RTN3: variants seen among roughly 807,000 people sequenced by gnomAD.
The protein encoded by RTN3 is reticulon-3.
Under a neutral mutation model 77.8 loss-of-function variants are expected in RTN3, and 49 were observed. The ratio of observed to expected loss-of-function variants is 0.63; its 90% CI spans 0.50 to 0.80. RTN3 has a LOEUF of 0.80. Ranked by LOEUF, RTN3 falls within the 30% of genes least tolerant of loss-of-function variation. The pLI is 0.00. For missense variants in RTN3, 1,236 were observed against 1,211.9 expected (o/e 1.02, Z -0.29); for synonymous variants, 464 against 446.9 (o/e 1.04, Z -0.48).
intron 2 of RTN3, among the ~76,000 whole-genome samples, chr11:63,713,394 C>T (rs544101793): frequency 4.6e-5 from 7 of 152,240 alleles, no homozygotes; most frequent in East Asian, 1.9e-4. Flanking sequence ...ACTGCAGCCT[C>T]GACCTCCTGG....
chr11:63,721,068 T>C (rs551022679), intron 3 of RTN3, 36 bp downstream of exon 3: 3 of 1,516,686 alleles, frequency 2.0e-6, no homozygotes, highest in Non-Finnish European at 2.7e-6. Flanking sequence ...ATGTGGTTAA[T>C]TCTGTGATTG....
chr11:63,699,296 A>T (rs1392937944), intron 1 of RTN3, among the ~76,000 whole-genome samples: 2 of 145,346 alleles, frequency 1.4e-5, no homozygotes, highest in East Asian at 4.1e-4. Context: ...CAGAGCTGAG[A>T]CTCCTTCTCA....
chr11:63,699,097 G>A (rs1014249394), intron 1 of RTN3, among the ~76,000 whole-genome samples: 1 of 152,104 alleles, frequency 6.6e-6, no homozygotes, highest in Non-Finnish European at 1.5e-5. Context: ...AGACCAGCCT[G>A]CCAGCATGGT....
intron 1 of RTN3, chr11:63,698,669 C>A: frequency 5.6e-6 from 1 of 178,034 alleles, no homozygotes; most frequent in South Asian, 1.5e-4. Context: ...ACTGAGGAAC[C>A]ATTGACTCCA....
chr11:63,687,443 C>T (rs1156685316), intron 1 of RTN3, among the ~76,000 whole-genome samples: 2 of 152,004 alleles, frequency 1.3e-5, no homozygotes, highest in Non-Finnish European at 2.9e-5. Context: ...ATGGTGAAAC[C>T]CTGCCTCTAT....
At chr11:63,715,707 C>T (rs905895594) in intron 2 of RTN3, among the ~76,000 whole-genome samples, 8 of 152,256 alleles carry the variant, frequency 5.3e-5, no homozygotes, top group African/African-American at 1.9e-4. Flanking sequence ...TGAACCTCCC[C>T]TGTGGGGTGG....
Position 63,756,105 on chromosome 11 carries a change from C to T in RTN3, c.2995-7C>T. Reference sequence around the variant, plus strand: ...ACCACAACTGAATTTATTTTCCTTCCTTAAAGACCCAGATTGATCACTATG... The same window carrying T: ...ACCACAACTGAATTTATTTTCCTTCTTTAAAGACCCAGATTGATCACTATG... On this transcript the variant is annotated splice_polypyrimidine_tract_variant and splice_region_variant and intron_variant, in intron 7 of 8. Coordinates refer to ENST00000377819, the MANE Select transcript of RTN3 (RefSeq NM_001265589.2). 3 of 1,609,204 alleles carry T rather than the reference C, an allele frequency of 1.9e-6. No homozygotes were observed. The highest frequency in any genetic ancestry group is 2.2e-5 in the East Asian group (1 of 44,852).
chr11:63,741,805 A>G (rs2013498339), intron 3 of RTN3, among the ~76,000 whole-genome samples: 1 of 150,450 alleles, frequency 6.6e-6, no homozygotes, highest in African/African-American at 2.4e-5. Flanking sequence ...CTGGCCTGAA[A>G]TAATCTTTAA....
intron 3 of RTN3, among the ~76,000 whole-genome samples, chr11:63,725,612 C>G (rs1180302002): frequency 6.6e-6 from 1 of 152,086 alleles, no homozygotes; most frequent in African/African-American, 2.4e-5. Flanking sequence ...CCACGCCCAG[C>G]TAATTTTATT....
Position 63,758,169 on chromosome 11 carries a change from C to T in RTN3, c.3067C>T (p.Leu1023Phe). 6.2e-7 allele frequency: 1 copy of T among 1,605,600 alleles called. No individual in the cohort carries two copies. Among genetic ancestry groups the T allele is most frequent in the Non-Finnish European group, 8.5e-7 (1 of 1,176,912 alleles). The change falls in exon 9 of 9, where the codon CTC (leucine) becomes TTC (phenylalanine). Residue 1023 changes from leucine (L) to phenylalanine (F), a missense_variant. Physicochemically the swap from Leu to Phe is conservative, Grantham distance 22 (BLOSUM62 0). Around this residue, in one of 3 missense-constraint regions of RTN3, gnomAD observed 141 missense variants for 154.9 expected, o/e 0.91. Coordinates refer to ENST00000377819, the MANE Select transcript of RTN3 (RefSeq NM_001265589.2). ...TTTTCTCAATAGGATCCAAGCAAAA[C>T]TCCCTGGAATCGCCAAAAAAAAGGC... ...KSIVEKIQAK[L>F]PGIAKKKAE is the part of the protein sequence containing the mutation.
At chr11:63,714,135 T>C in intron 2 of RTN3, 1 of 460,578 alleles carries the variant, frequency 2.2e-6, no homozygotes, top group Non-Finnish European at 4.4e-6. Flanking sequence ...ATTTTTCCCA[T>C]TGTCTTGGTA....
intron 3 of RTN3, among the ~76,000 whole-genome samples, chr11:63,732,736 T>C (rs1011052382): frequency 1.3e-5 from 2 of 152,138 alleles, no homozygotes; most frequent in African/African-American, 4.8e-5. Context: ...GCCCAGAGTT[T>C]TCACTGGAGA....
chr11:63,705,385 T>C (rs1384511050), intron 2 of RTN3, among the ~76,000 whole-genome samples: 3 of 152,020 alleles, frequency 2.0e-5, no homozygotes, highest in African/African-American at 7.2e-5. Context: ...GAGGCTGAGG[T>C]GGGAGGATTG....
chr11:63,750,224 T>A, intron 4 of RTN3, 26 bp downstream of exon 4: 2 of 1,580,674 alleles, frequency 1.3e-6, no homozygotes, highest in Non-Finnish European at 1.7e-6. Context: ...AAAAGCAACA[T>A]TCTACATTTT....
intron 1 of RTN3, among the ~76,000 whole-genome samples, chr11:63,699,010 G>A (rs371412128): frequency 2.0e-5 from 3 of 152,132 alleles, no homozygotes; most frequent in South Asian, 2.1e-4. Context: ...ATTCCTGGCC[G>A]GGCACAGTGG....
At chr11:63,692,747 C>A (rs1426776071) in intron 1 of RTN3, among the ~76,000 whole-genome samples, 1 of 150,034 alleles carries the variant, frequency 6.7e-6, no homozygotes, top group East Asian at 1.9e-4. Context: ...GGTGACAGAG[C>A]GAGACTCCGT....
rs1364440014 is a variant in RTN3 at position 63,681,746 on chromosome 11, T to G, written c.110T>G (p.Leu37Arg). The change falls in exon 1 of 9, where the codon CTG (leucine) becomes CGG (arginine). Residue 37 changes from leucine (L) to arginine (R), a missense_variant. Physicochemically the swap from Leu to Arg is moderately radical, Grantham distance 102 (BLOSUM62 -2). This residue lies in a region of RTN3 where 1,056 missense variants were observed against 990.4 expected (regional missense o/e 1.07). Transcript: ENST00000377819. ...GGGSPGACPALGTKSCSSSCA... is the reference protein window; with the variant it reads ...GGGSPGACPARGTKSCSSSCA... The stretch of plus-strand genomic sequence containing the variant: ...GGGAGCCCAGGAGCCTGCCCCGCCC[T>G]GGGGACGAAGAGCTGCAGCTCCTCC... 6.2e-7 allele frequency: 1 copy of G among 1,604,974 alleles called. No individual in the cohort carries two copies. Among genetic ancestry groups the G allele is most frequent in the South Asian group, 1.1e-5 (1 of 90,570 alleles).
chr11:63,741,976 C>A (rs1422070448), intron 3 of RTN3, among the ~76,000 whole-genome samples: 5 of 150,208 alleles, frequency 3.3e-5, no homozygotes, highest in Admixed American at 3.3e-4. Context: ...TGTTTTGGCT[C>A]TTCTAGGTTT....
At chr11:63,726,745 C>T (rs527683189) in intron 3 of RTN3, among the ~76,000 whole-genome samples, 8 of 152,052 alleles carry the variant, frequency 5.3e-5, no homozygotes, top group Admixed American at 3.3e-4. Context: ...CCTGTAATCC[C>T]ACCTACTCAG....
Sources: gnomAD v4.1 joint callset for allele counts (sites outside exome capture counted in the v4.1 genomes callset) on GRCh38, gnomAD v4.1.1 for gene constraint, gnomAD v4.1.1 regional missense constraint, MANE v1.5 for transcripts, NCBI Gene and HGNC (gene_info 2026-07-23, HGNC 2026-07-21) for gene names.